Variants in ASCC1 observed in about 807,000 individuals in gnomAD.
ASCC1 encodes the protein activating signal cointegrator 1 complex subunit 1.
ASCC1 carries 35 observed loss-of-function variants against 46.6 expected under a neutral mutation model. That is an observed-to-expected ratio of 0.75 (90% CI 0.57 to 0.99). The LOEUF (loss-of-function observed/expected upper bound fraction) is 0.99. ASCC1 is among the 50% of genes least tolerant of loss of function. The pLI is 0.00. For synonymous variants in ASCC1, 143 were observed against 146.6 expected (o/e 0.98, Z 0.18); for missense variants, 376 against 428.7 (o/e 0.88, Z 1.09).
chr10:72,175,001 T>C (rs111968553), intron 5 of ASCC1, among the ~76,000 whole-genome samples: 19 of 152,386 alleles, frequency 1.2e-4, no homozygotes, highest in African/African-American at 4.3e-4. Context: ...ATGCTTCCCC[T>C]ATACTCGTTG....
intron 9 of ASCC1, 23 bp downstream of exon 9, chr10:72,128,059 A>G (rs2132232153): frequency 1.9e-6 from 3 of 1,586,240 alleles, no homozygotes; most frequent in East Asian, 2.2e-5. Flanking sequence ...AAGGATTTCC[A>G]ATTCACTCTG....
intron 6 of ASCC1, among the ~76,000 whole-genome samples, chr10:72,156,241 G>A (rs902097755): frequency 5.3e-5 from 8 of 152,170 alleles, no homozygotes; most frequent in Non-Finnish European, 1.2e-4. Context: ...TCCTGCTTCT[G>A]CTATGTGATG....
At chr10:72,202,826 G>A (rs1856677716) in intron 4 of ASCC1, among the ~76,000 whole-genome samples, 1 of 152,080 alleles carries the variant, frequency 6.6e-6, no homozygotes, top group Non-Finnish European at 1.5e-5. Context: ...TCCATTTCAA[G>A]TTACCAAAGC....
At chr10:72,202,171 TAAAAAAG>T (rs1303342679) in intron 4 of ASCC1, among the ~76,000 whole-genome samples, 1 of 151,994 alleles carries the variant, frequency 6.6e-6, no homozygotes, top group Admixed American at 6.6e-5. Context: ...TCTTTGACTT[TAAAAAAG>T]TTCCATCGGC....
intron 5 of ASCC1, among the ~76,000 whole-genome samples, chr10:72,194,772 C>T (rs1160094402): frequency 2.0e-5 from 3 of 152,130 alleles, no homozygotes; most frequent in Admixed American, 6.6e-5. Flanking sequence ...AGACAAGTTT[C>T]GCTCTTGTTG....
At chr10:72,186,928 G>A (rs573484648) in intron 5 of ASCC1, among the ~76,000 whole-genome samples, 85 of 148,206 alleles carry the variant, frequency 5.7e-4, no homozygotes, top group African/African-American at 1.7e-3. Context: ...GGAAGAAAGC[G>A]GATGCACATG....
chr10:72,203,752 T>C (rs937107587), intron 3 of ASCC1, among the ~76,000 whole-genome samples: 5 of 152,096 alleles, frequency 3.3e-5, no homozygotes, highest in African/African-American at 4.8e-5. Flanking sequence ...AATGCAGAGA[T>C]AGAAAAACCA....
At chr10:72,172,613 T>C (rs1851263495) in intron 5 of ASCC1, among the ~76,000 whole-genome samples, 1 of 146,806 alleles carries the variant, frequency 6.8e-6, no homozygotes, top group Non-Finnish European at 1.5e-5. Flanking sequence ...CCCAAAGCGC[T>C]GGGATTACAG....
chr10:72,160,254 C>T (rs1270167975), intron 6 of ASCC1, among the ~76,000 whole-genome samples: 1 of 152,064 alleles, frequency 6.6e-6, no homozygotes, highest in Non-Finnish European at 1.5e-5. Context: ...ATCCTTTTAC[C>T]TTGTTCTATC....
intron 9 of ASCC1, among the ~76,000 whole-genome samples, chr10:72,121,294 C>T (rs947876288): frequency 2.0e-5 from 3 of 151,864 alleles, no homozygotes; most frequent in Non-Finnish European, 2.9e-5. Context: ...CAGGCGTGCA[C>T]CACCATGCCC....
At chr10:72,198,436 G>C in intron 4 of ASCC1, 1 of 393,854 alleles carries the variant, frequency 2.5e-6, no homozygotes, top group East Asian at 7.7e-5. Flanking sequence ...AAGAAGGCAA[G>C]GCATGCTCAT....
At chr10:72,126,767 T>C (rs1299497722) in intron 9 of ASCC1, among the ~76,000 whole-genome samples, 3 of 152,224 alleles carry the variant, frequency 2.0e-5, no homozygotes, top group Non-Finnish European at 4.4e-5. Flanking sequence ...GAAAGATTCA[T>C]ATCACACCGA....
At chr10:72,105,321 C>T (rs1475865241) in intron 9 of ASCC1, among the ~76,000 whole-genome samples, 1 of 152,178 alleles carries the variant, frequency 6.6e-6, no homozygotes, top group Non-Finnish European at 1.5e-5. Context: ...GCACCCTCAC[C>T]TAGACACTGC....
intron 5 of ASCC1, among the ~76,000 whole-genome samples, chr10:72,182,104 G>A (rs141508089): frequency 6.6e-6 from 1 of 152,152 alleles, no homozygotes; most frequent in African/African-American, 2.4e-5. Flanking sequence ...GAAACAGCAA[G>A]AAAGGAGACT....
chr10:72,156,749 G>C (rs1401348004), intron 6 of ASCC1, among the ~76,000 whole-genome samples: 1 of 149,522 alleles, frequency 6.7e-6, no homozygotes, highest in Admixed American at 6.7e-5. Context: ...TCCAGCCTGG[G>C]CGACAGAATA....
rs768563985 is a variant in ASCC1 at position 72,210,849 on chromosome 10, C to G, written c.113-18G>C. On this transcript the variant is annotated intron_variant, in intron 2 of 9. Coordinates refer to ENST00000672957, the MANE Select transcript of ASCC1 (RefSeq NM_001198800.3). ...CATGGAGCCTGCACAGAAACCATCA[C>G]ATCTCACTCAGAAACAATGTTGCTC... 5.6e-5 allele frequency: 90 copies of G among 1,610,352 alleles called. 1 individual carries two copies. The South Asian group carries it at 9.9e-4, about 18-fold the overall frequency.
At chr10:72,195,435 G>C (rs12218955) in intron 5 of ASCC1, among the ~76,000 whole-genome samples, 1 of 151,918 alleles carries the variant, frequency 6.6e-6, no homozygotes, top group South Asian at 2.1e-4. Flanking sequence ...AGAGGCATGA[G>C]CCAACATGCC....
intron 7 of ASCC1, among the ~76,000 whole-genome samples, chr10:72,139,216 C>A (rs923054172): frequency 6.6e-6 from 1 of 150,502 alleles, no homozygotes; most frequent in Admixed American, 6.6e-5. Flanking sequence ...CAGGTTCAAG[C>A]GATTGTCCTG....
At chr10:72,142,910 C>G (rs945058406) in intron 7 of ASCC1, among the ~76,000 whole-genome samples, 1 of 143,152 alleles carries the variant, frequency 7.0e-6, no homozygotes, top group African/African-American at 2.6e-5. Context: ...GCCTGTAATT[C>G]CAGCACTTTG....
Sources: allele counts gnomAD v4.1 joint callset (sites outside exome capture counted in the v4.1 genomes callset), GRCh38; gene constraint gnomAD v4.1.1; transcripts MANE v1.5; gene names NCBI Gene and HGNC (gene_info 2026-07-23, HGNC 2026-07-21).